SGMS1: variants seen among roughly 807,000 people sequenced by gnomAD.
The protein encoded by SGMS1 is phosphatidylcholine:ceramide cholinephosphotransferase 1.
A neutral mutation model predicts 46.2 loss-of-function variants in SGMS1; 13 were observed. That is an observed-to-expected ratio of 0.28 (90% CI 0.18 to 0.45). SGMS1 has a LOEUF of 0.45. Among genes scored for constraint, SGMS1 ranks in the 20% least tolerant of loss-of-function variants. The probability of loss-of-function intolerance (pLI) is 1.00; values close to 1 mark genes in which losing one functional copy is unlikely to be tolerated. For synonymous variants in SGMS1, 203 were observed against 187.8 expected, an observed-to-expected ratio of 1.08 and a Z score of -0.66; for missense variants, 324 against 519.9, an observed-to-expected ratio of 0.62 and a Z score of 3.66.
intron 2 of SGMS1, among the ~76,000 whole-genome samples, chr10:50,560,323 T>TTATATATTATTAATATTATTAATAA (rs1838224075): frequency 7.2e-6 from 1 of 138,246 alleles, no homozygotes; most frequent in Non-Finnish European, 1.5e-5. Flanking sequence ...ATTATTAATA[T>TTATATATTATTAATATTATTAATAA]TATATATTAT....
chr10:50,490,981 T>C (rs1350448225), intron 3 of SGMS1, among the ~76,000 whole-genome samples: 5 of 152,122 alleles, frequency 3.3e-5, no homozygotes. Flanking sequence ...TGCTTATTCA[T>C]TAGTGATATT....
intron 6 of SGMS1, among the ~76,000 whole-genome samples, chr10:50,393,873 C>T (rs771044667): frequency 3.3e-5 from 5 of 152,160 alleles, no homozygotes; most frequent in African/African-American, 7.2e-5. Flanking sequence ...GGTCCAAGCC[C>T]CAACCAAGGG....
intron 3 of SGMS1, among the ~76,000 whole-genome samples, chr10:50,481,207 T>A (rs895717926): frequency 5.9e-5 from 9 of 152,192 alleles, no homozygotes; most frequent in African/African-American, 2.2e-4. Context: ...ATTAAGAGGA[T>A]CCCTCATCTT....
At chr10:50,341,775 A>G (rs1181812665) in intron 7 of SGMS1, among the ~76,000 whole-genome samples, 1 of 152,212 alleles carries the variant, frequency 6.6e-6, no homozygotes, top group Admixed American at 6.5e-5. Flanking sequence ...AGTATTGTCA[A>G]TAAGTACCAG....
chr10:50,485,698 G>A (rs11005884), intron 3 of SGMS1, among the ~76,000 whole-genome samples: 28,805 of 152,050 alleles, frequency 0.19, 2,858 homozygotes, highest in East Asian at 0.26. Flanking sequence ...CCAGGAGTTC[G>A]AGAGCAGCCT....
intron 6 of SGMS1, among the ~76,000 whole-genome samples, chr10:50,412,141 G>A (rs770702436): frequency 1.3e-5 from 2 of 152,164 alleles, no homozygotes; most frequent in Non-Finnish European, 2.9e-5. Context: ...AGAGAGGCAA[G>A]CTGCTGGGGG....
chr10:50,352,230 CCCCAAGA>C (rs1162652168), intron 6 of SGMS1, among the ~76,000 whole-genome samples: 1 of 151,954 alleles, frequency 6.6e-6, no homozygotes, highest in Non-Finnish European at 1.5e-5. Context: ...AAAAGTGGAC[CCCCAAGA>C]CCCCAGAGCC....
At chr10:50,501,342 A>G (rs188789122) in intron 3 of SGMS1, among the ~76,000 whole-genome samples, 278 of 152,346 alleles carry the variant, frequency 1.8e-3, no homozygotes, top group Admixed American at 4.5e-3. Flanking sequence ...AGGGGTTCAC[A>G]ATTATCTAAA....
At position 50,306,789 on chromosome 10, in the gene SGMS1, C is replaced by T. The variant is rs531505713; in HGVS notation, c.*353G>A. 3.0e-5 allele frequency: 5 copies of T among 169,012 alleles called. No individual in the cohort carries two copies. The highest frequency in any genetic ancestry group is 4.7e-5 in the African/African-American group (2 of 42,328). 10.5% of individuals were successfully genotyped at this position (169,012 alleles called of 1,614,324 possible). ...AGTATGTTTTCCCAAGAAAATAATA[C>T]GCTTTATTTCCAGATGTGACTGGAA... On this transcript the variant is annotated 3_prime_UTR_variant, in exon 11 of 11. Transcript: ENST00000361781.
chr10:50,568,303 A>G (rs1032706331), intron 2 of SGMS1, among the ~76,000 whole-genome samples: 4 of 152,226 alleles, frequency 2.6e-5, no homozygotes, highest in Non-Finnish European at 5.9e-5. Flanking sequence ...CACCAAAAAA[A>G]GCTTGGTAAA....
chr10:50,382,586 C>A (rs1848622707), intron 6 of SGMS1, among the ~76,000 whole-genome samples: 1 of 150,014 alleles, frequency 6.7e-6, no homozygotes, highest in Non-Finnish European at 1.5e-5. Context: ...CACACACACA[C>A]ACACACAACT....
chr10:50,542,364 T>G (rs896609459), intron 2 of SGMS1, among the ~76,000 whole-genome samples: 3 of 152,232 alleles, frequency 2.0e-5, no homozygotes, highest in Non-Finnish European at 4.4e-5. Context: ...ATCACTGTTT[T>G]GAAGTGTTGC....
intron 2 of SGMS1, among the ~76,000 whole-genome samples, chr10:50,541,402 T>C (rs1838051053): frequency 6.6e-6 from 1 of 152,212 alleles, no homozygotes; most frequent in Admixed American, 6.5e-5. Context: ...CTGCCTTGTA[T>C]GGTATACCAA....
At chr10:50,567,717 T>C (rs1425204248) in intron 2 of SGMS1, among the ~76,000 whole-genome samples, 4 of 152,216 alleles carry the variant, frequency 2.6e-5, no homozygotes, top group Admixed American at 1.3e-4. Context: ...ATTCTTGTTT[T>C]AGACACATCA....
Position 50,553,588 on chromosome 10 carries a change from C to A in SGMS1, c.-588-33667G>T, listed in dbSNP as rs541793135. On this transcript the variant is annotated intron_variant, in intron 2 of 10. Coordinates refer to ENST00000361781, the MANE Select transcript of SGMS1 (RefSeq NM_147156.4). ...CAAATTATAAATCTTTACCCAATTT[C>A]TAGCTTGGGGCATTTAAAATGACCT... is the stretch of plus-strand genomic sequence containing the variant. Among the ~76,000 whole-genome samples, 4 of 152,284 alleles carry A rather than the reference C, an allele frequency of 2.6e-5. No homozygotes were observed. The East Asian group carries it at 7.7e-4, about 29-fold the overall frequency.
Position 50,589,636 on chromosome 10 carries a change from AT to A in SGMS1, c.-589+516del, listed in dbSNP as rs201379718. 6.2e-3 allele frequency among the ~76,000 whole-genome samples: 943 copies of A among 151,526 alleles called. 6 individuals are homozygous for A. The highest frequency in any genetic ancestry group is 0.022 in the African/African-American group (897 of 41,240). ...AGGTGTGCACCACCACACCCAGCTA[AT>A]TTTTTTTGTATTTTTTCTAGAGATG... On this transcript the variant is annotated intron_variant, in intron 2 of 10. Coordinates refer to ENST00000361781, the MANE Select transcript of SGMS1 (RefSeq NM_147156.4).
rs374451787 is a variant in SGMS1 at position 50,521,846 on chromosome 10, A to T, written c.-588-1925T>A. On this transcript the variant is annotated intron_variant, in intron 2 of 10. Transcript: ENST00000361781. ...AAAGTCTATCTGCCCCAGCTTGGTT[A>T]TGCTAATTTTGATCACCCAGCCAAG... is the stretch of plus-strand genomic sequence containing the variant. Among the ~76,000 whole-genome samples the T allele has an allele frequency of 3.3e-5, 5 of 152,184 alleles. No homozygotes were observed. The South Asian group carries it at 1.0e-3, about 32-fold the overall frequency.
chr10:50,335,243 T>C (rs1847697287), intron 7 of SGMS1: 1 of 152,266 alleles, frequency 6.6e-6, no homozygotes, highest in South Asian at 2.1e-4. Context: ...CTGTGAGCTA[T>C]GATCATGCCA....
chr10:50,380,696 T>G (rs1337325445), intron 6 of SGMS1, among the ~76,000 whole-genome samples: 1 of 152,162 alleles, frequency 6.6e-6, no homozygotes, highest in Non-Finnish European at 1.5e-5. Flanking sequence ...CAAATATTAC[T>G]TGTACACCAA....
Sources: allele counts gnomAD v4.1 joint callset (sites outside exome capture counted in the v4.1 genomes callset), GRCh38; gene constraint gnomAD v4.1.1; transcripts MANE v1.5; gene names NCBI Gene and HGNC (gene_info 2026-07-23, HGNC 2026-07-21).